Variants in SCFD2 observed in about 807,000 individuals in gnomAD.
The protein encoded by SCFD2 is sec1 family domain-containing protein 2.
A neutral mutation model predicts 58.9 loss-of-function variants in SCFD2; 54 were observed. That is an observed-to-expected ratio of 0.92 (90% confidence interval 0.74 to 1.15). SCFD2 has a LOEUF of 1.15. Among genes scored for constraint, SCFD2 ranks in the 50% most tolerant of loss-of-function variants. The pLI, the probability that SCFD2 is intolerant of heterozygous loss-of-function variation, is 0.00. For missense variants in SCFD2, 805 were observed against 836.6 expected (o/e 0.96, Z 0.47); for synonymous variants, 321 against 335.9 (o/e 0.96, Z 0.49).
At chr4:53,291,644 G>A (rs1395502072) in intron 3 of SCFD2, among the ~76,000 whole-genome samples, 5 of 151,644 alleles carry the variant, frequency 3.3e-5, no homozygotes, top group Non-Finnish European at 7.4e-5. Flanking sequence ...AAATTCATAT[G>A]GAACCAAAAA....
chr4:52,941,185 T>C, intron 5 of SCFD2, among the ~76,000 whole-genome samples: 1 of 152,156 alleles, frequency 6.6e-6, no homozygotes, highest in East Asian at 1.9e-4. Flanking sequence ...TAAGCACATA[T>C]TAATTGAATA....
chr4:53,281,559 G>A (rs545686984), intron 3 of SCFD2, among the ~76,000 whole-genome samples: 2 of 152,240 alleles, frequency 1.3e-5, no homozygotes, highest in African/African-American at 4.8e-5. Flanking sequence ...TATGAGTTTC[G>A]TAAATAATGT....
chr4:53,332,264 T>C (rs1733504853), intron 2 of SCFD2, among the ~76,000 whole-genome samples: 1 of 151,632 alleles, frequency 6.6e-6, no homozygotes. Flanking sequence ...AGCATCATTC[T>C]GATACCAAAG....
chr4:53,028,732 G>A (rs543464925), intron 5 of SCFD2, among the ~76,000 whole-genome samples: 9 of 152,288 alleles, frequency 5.9e-5, no homozygotes, highest in Non-Finnish European at 1.3e-4. Flanking sequence ...CCCTGGTCAA[G>A]TATTTTATGG....
intron 4 of SCFD2, among the ~76,000 whole-genome samples, chr4:53,172,072 C>A (rs1408824073): frequency 9.9e-5 from 15 of 151,314 alleles, no homozygotes; most frequent in Non-Finnish European, 1.2e-4. Flanking sequence ...GTGGTGTGAT[C>A]TTCGGCTCAC....
intron 5 of SCFD2, among the ~76,000 whole-genome samples, chr4:52,975,819 T>G (rs1721243304): frequency 6.6e-6 from 1 of 152,106 alleles, no homozygotes; most frequent in Admixed American, 6.5e-5. Flanking sequence ...GTGGCACATA[T>G]ACACCATGGA....
At chr4:52,909,640 T>G (rs1719435525) in intron 6 of SCFD2, among the ~76,000 whole-genome samples, 1 of 152,132 alleles carries the variant, frequency 6.6e-6, no homozygotes. Flanking sequence ...ACAGCACAGT[T>G]TAAAGCACCA....
intron 4 of SCFD2, among the ~76,000 whole-genome samples, chr4:53,271,336 A>G (rs1207629889): frequency 6.6e-6 from 1 of 151,670 alleles, no homozygotes; most frequent in African/African-American, 2.4e-5. Flanking sequence ...CACACACAGC[A>G]CAAATGCAAC....
chr4:53,172,004 A>ATTATTTATTAT (rs1375895893), intron 4 of SCFD2, among the ~76,000 whole-genome samples: 1 of 146,836 alleles, frequency 6.8e-6, no homozygotes, highest in Non-Finnish European at 1.5e-5. Context: ...TTATTTATTT[A>ATTATTTATTAT]TTATTTATTA....
chr4:52,974,596 A>T (rs1381127210), intron 5 of SCFD2, among the ~76,000 whole-genome samples: 1 of 152,204 alleles, frequency 6.6e-6, no homozygotes, highest in African/African-American at 2.4e-5. Context: ...CATACTGCCC[A>T]AGGTAATTTA....
At chr4:52,981,530 G>A (rs1036922309) in intron 5 of SCFD2, among the ~76,000 whole-genome samples, 21 of 152,226 alleles carry the variant, frequency 1.4e-4, no homozygotes, top group African/African-American at 5.1e-4. Context: ...GTTATTAGAA[G>A]ATAAATTCAA....
At chr4:53,354,715 A>G (rs2149166871) in intron 1 of SCFD2, among the ~76,000 whole-genome samples, 1 of 152,356 alleles carries the variant, frequency 6.6e-6, no homozygotes, top group Admixed American at 6.5e-5. Context: ...CTAGTCAGTC[A>G]GGTAAATAGT....
chr4:52,940,373 T>C (rs1485998846), intron 5 of SCFD2, among the ~76,000 whole-genome samples: 1 of 152,116 alleles, frequency 6.6e-6, no homozygotes, highest in Non-Finnish European at 1.5e-5. Flanking sequence ...AATTAAGAAA[T>C]AAATGGCTCT....
At chr4:53,258,209 G>A (rs1027725455) in intron 4 of SCFD2, among the ~76,000 whole-genome samples, 1 of 151,980 alleles carries the variant, frequency 6.6e-6, no homozygotes, top group African/African-American at 2.4e-5. Context: ...AGAAACAAAT[G>A]GTATTTGGTT....
intron 5 of SCFD2, among the ~76,000 whole-genome samples, chr4:52,974,106 GCACAA>G: frequency 6.6e-6 from 1 of 152,266 alleles, no homozygotes; most frequent in Admixed American, 6.5e-5. Flanking sequence ...TTGAAAACGG[GCACAA>G]GACAGGGATG....
chr4:53,328,899 G>C (rs536293803), intron 2 of SCFD2, among the ~76,000 whole-genome samples: 1 of 152,244 alleles, frequency 6.6e-6, no homozygotes, highest in Non-Finnish European at 1.5e-5. Context: ...CACCATGCGC[G>C]AGCCGAAGCA....
At chr4:53,142,567 C>T (rs544792543) in intron 5 of SCFD2, among the ~76,000 whole-genome samples, 4 of 152,314 alleles carry the variant, frequency 2.6e-5, no homozygotes, top group South Asian at 4.1e-4. Flanking sequence ...AGTTCCAGCA[C>T]ACACAAAGCA....
At chr4:53,344,497 T>C (rs1733992564) in intron 2 of SCFD2, among the ~76,000 whole-genome samples, 1 of 152,122 alleles carries the variant, frequency 6.6e-6, no homozygotes, top group Admixed American at 6.5e-5. Flanking sequence ...AGAGCAAGAA[T>C]CAATATCACG....
intron 2 of SCFD2, among the ~76,000 whole-genome samples, chr4:53,330,054 A>G (rs1306849644): frequency 6.6e-6 from 1 of 151,624 alleles, no homozygotes; most frequent in Non-Finnish European, 1.5e-5. Context: ...AAAAAAGAAT[A>G]AAAAGAAACA....
Sources: gnomAD v4.1 joint callset for allele counts (sites outside exome capture counted in the v4.1 genomes callset) on GRCh38, gnomAD v4.1.1 for gene constraint, MANE v1.5 for transcripts, NCBI Gene and HGNC (gene_info 2026-07-23, HGNC 2026-07-21) for gene names.